NCOR2: variants seen among roughly 807,000 people sequenced by gnomAD.
The protein encoded by NCOR2 is CTG repeat protein 26.
In NCOR2, 81 loss-of-function variants were observed where a neutral mutation model predicts 262.9. The observed-to-expected ratio is 0.31, with a 90% confidence interval of 0.26 to 0.37. The LOEUF (loss-of-function observed/expected upper bound fraction) is 0.37, where lower values mean the gene tolerates loss of function less well. Ranked by LOEUF, NCOR2 falls within the 10% of genes least tolerant of loss-of-function variation. NCOR2 has a pLI of 1.00. For synonymous variants in NCOR2, 1,659 were observed against 1,559.3 expected, an observed-to-expected ratio of 1.06 and a Z score of -1.51; for missense variants, 3,385 against 3,621.4, an observed-to-expected ratio of 0.93 and a Z score of 1.68.
chr12:124,412,366 C>T (rs989802296), intron 13 of NCOR2, among the ~76,000 whole-genome samples: 3 of 152,214 alleles, frequency 2.0e-5, no homozygotes, highest in Admixed American at 6.5e-5. Context: ...GTGGCACTGG[C>T]GTCTTGCTGC....
In NCOR2 at chr12:124,430,796, G is replaced by C. The variant is rs776050026; in HGVS notation, c.883-9C>G. The C allele has an allele frequency of 6.3e-7, 1 of 1,598,232 alleles. No homozygotes were observed. The highest frequency in any genetic ancestry group is 8.5e-7 in the Non-Finnish European group (1 of 1,170,348). On this transcript the variant is annotated splice_polypyrimidine_tract_variant and intron_variant, in intron 8 of 46. Coordinates refer to ENST00000405201, the Ensembl canonical transcript of NCOR2. ...TGGCAGAACTTCTGCTCCTGGGAGA[G>C]CGCAGGGGGCACTGCGGAAGATGCT...
At chr12:124,396,865 G>A (rs1261996604) in intron 16 of NCOR2, among the ~76,000 whole-genome samples, 5 of 152,200 alleles carry the variant, frequency 3.3e-5, no homozygotes, top group African/African-American at 9.7e-5. Flanking sequence ...CTGCCCTTAT[G>A]TGCCAAGAGC....
chr12:124,338,659 T>C (rs1230969631), intron 37 of NCOR2, among the ~76,000 whole-genome samples: 8 of 152,018 alleles, frequency 5.3e-5, no homozygotes, highest in Non-Finnish European at 1.2e-4. Flanking sequence ...TGGGACTTTG[T>C]CCAGGCAAGA....
At chr12:124,428,065 G>GTA in intron 10 of NCOR2, among the ~76,000 whole-genome samples, 1 of 149,416 alleles carries the variant, frequency 6.7e-6, no homozygotes, top group Non-Finnish European at 1.5e-5. Flanking sequence ...GTGTGTGTGT[G>GTA]TGTGTGTGTG....
At chr12:124,418,913 C>T (rs998867829) in intron 13 of NCOR2, among the ~76,000 whole-genome samples, 7 of 152,158 alleles carry the variant, frequency 4.6e-5, no homozygotes. Context: ...CCACGCGGCT[C>T]GTGCTATTCT....
intron 2 of NCOR2, among the ~76,000 whole-genome samples, chr12:124,485,660 C>T (rs960566438): frequency 6.6e-6 from 1 of 152,218 alleles, no homozygotes; most frequent in African/African-American, 2.4e-5. Flanking sequence ...AGTTCACCAG[C>T]CCCGCCTGAT....
In NCOR2 at chr12:124,440,850, C is replaced by T. The variant is rs558263475; in HGVS notation, c.816-2854G>A. ...TGGGATCTACGTCATCAGAAGGACC[C>T]GGCTCTGGGAAGATCCAGAAGGAAG... On this transcript the variant is annotated intron_variant, in intron 7 of 46. Coordinates refer to ENST00000405201, the Ensembl canonical transcript of NCOR2. This position sits in a 1 kb window ranked among gnomAD's most constrained non-coding sequence, Gnocchi z 5.7. Among the ~76,000 whole-genome samples, 13 of 152,254 alleles carry T rather than the reference C, an allele frequency of 8.5e-5. No homozygotes were observed. In the East Asian group the frequency reaches 1.5e-3, roughly 18 times the overall value.
At position 124,566,763 on chromosome 12, in the gene NCOR2, G is replaced by C. The variant is rs2052255390; in HGVS notation, c.-165+545C>G. On this transcript the variant is annotated intron_variant, in intron 1 of 32. Coordinates refer to the NCOR2 transcript ENST00000458234. This position sits in a 1 kb window ranked among gnomAD's most constrained non-coding sequence, Gnocchi z 4.3. ...AGGGGCGACTCTCCCGAGGGACCCC[G>C]CCCAGCGCCCCGTGGCCCCACGCCT... 1.3e-5 allele frequency among the ~76,000 whole-genome samples: 2 copies of C among 152,150 alleles called. No homozygotes were observed. The highest frequency in any genetic ancestry group is 2.9e-5 in the Non-Finnish European group (2 of 68,004).
chr12:124,340,354 G>T (rs373197094), exon 36 of NCOR2: 1 of 1,612,862 alleles, frequency 6.2e-7, no homozygotes, highest in Non-Finnish European at 8.5e-7. Flanking sequence ...GACTTTTCCC[G>T]CTCCCGATCC....
At chr12:124,453,894 A>G (rs1284464793) in intron 6 of NCOR2, among the ~76,000 whole-genome samples, 2 of 152,172 alleles carry the variant, frequency 1.3e-5, no homozygotes, top group Admixed American at 6.5e-5. Flanking sequence ...ATCCTTTCCA[A>G]TGCAAATTCC....
intron 17 of NCOR2, among the ~76,000 whole-genome samples, chr12:124,379,095 GC>G (rs2040228367): frequency 6.6e-6 from 1 of 152,272 alleles, no homozygotes. Context: ...TGACATTTGA[GC>G]CAAGATTTGA....
chr12:124,536,071 G>C (rs1281020467), upstream of NCOR2, among the ~76,000 whole-genome samples: 1 of 152,072 alleles, frequency 6.6e-6, no homozygotes, highest in African/African-American at 2.4e-5. Context: ...ATTTTTGTTT[G>C]TTTGGTATTT....
intron 17 of NCOR2, among the ~76,000 whole-genome samples, chr12:124,382,797 T>C (rs1158244761): frequency 1.3e-5 from 2 of 152,226 alleles, no homozygotes; most frequent in Non-Finnish European, 1.5e-5. Context: ...TGAATGCTTA[T>C]TGAGGGCTGA....
intron 1 of NCOR2, among the ~76,000 whole-genome samples, chr12:124,522,423 G>A (rs535990312): frequency 6.6e-6 from 1 of 152,120 alleles, no homozygotes; most frequent in Non-Finnish European, 1.5e-5. Flanking sequence ...GACTCTGCAG[G>A]GGGAGCCTTC....
intron 3 of NCOR2, among the ~76,000 whole-genome samples, chr12:124,476,378 T>G (rs1305118129): frequency 6.6e-6 from 1 of 152,190 alleles, no homozygotes; most frequent in African/African-American, 2.4e-5. Flanking sequence ...CCGGTCGCAC[T>G]ACTGGTGGCA....
chr12:124,347,631 TG>T (rs2037048030), intron 30 of NCOR2, 193 bp downstream of exon 32: 1 of 602,590 alleles, frequency 1.7e-6, no homozygotes, highest in Admixed American at 3.0e-5. Flanking sequence ...TTTTGCTTTT[TG>T]TTTTTGTTTT....
Position 124,456,833 on chromosome 12 carries a change from C to A in NCOR2, c.762+273G>T, listed in dbSNP as rs570556272. Among the ~76,000 whole-genome samples, 8 of 152,318 alleles carry A rather than the reference C, an allele frequency of 5.3e-5. No individual in the cohort carries two copies. In the South Asian group the frequency reaches 1.7e-3, roughly 32 times the overall value. On this transcript the variant is annotated intron_variant, in intron 6 of 46. Coordinates refer to ENST00000405201, the Ensembl canonical transcript of NCOR2. The stretch of plus-strand genomic sequence containing the variant: ...TGACTCTCCTCACAGCCCGAGCGGC[C>A]GGGCTTCACGGTATGCACAGGAGTG...
chr12:124,530,987 G>C (rs1420387693), intron 1 of NCOR2, among the ~76,000 whole-genome samples: 1 of 152,154 alleles, frequency 6.6e-6, no homozygotes, highest in Non-Finnish European at 1.5e-5. Context: ...CAGGCCCCGA[G>C]GACTCAGGCC....
chr12:124,331,764 G>A (rs752331713), intron 43 of NCOR2: 39 of 159,412 alleles, frequency 2.4e-4, no homozygotes, highest in Non-Finnish European at 4.5e-4. Flanking sequence ...CTATCTGCAA[G>A]GTTTCTACTC....
Sources: gnomAD v4.1 joint callset for allele counts (sites outside exome capture counted in the v4.1 genomes callset) on GRCh38, gnomAD v4.1.1 for gene constraint, Gnocchi (gnomAD v3.1) non-coding constraint, MANE v1.5 for transcripts, NCBI Gene and HGNC (gene_info 2026-07-23, HGNC 2026-07-21) for gene names.